Variants in NPFFR2 observed in about 807,000 individuals in gnomAD.
NPFFR2 encodes the protein G-protein coupled receptor 74.
In NPFFR2, 15 loss-of-function variants were observed where a neutral mutation model predicts 13.1. The observed-to-expected ratio is 1.15, with a 90% CI of 0.77 to 1.76. The LOEUF is 1.76. Among genes scored for constraint, NPFFR2 ranks in the 40% most tolerant of loss-of-function variants. NPFFR2 has a pLI of 0.00. For missense variants in NPFFR2, 572 were observed against 503.5 expected (o/e 1.14, Z -1.30); for synonymous variants, 190 against 175.7 (o/e 1.08, Z -0.65).
chr4:72,060,060 A>T (rs1309152270), intron 1 of NPFFR2, among the ~76,000 whole-genome samples: 1 of 152,126 alleles, frequency 6.6e-6, no homozygotes, highest in Non-Finnish European at 1.5e-5. Context: ...TTTATTAAAG[A>T]GATTTTATGT....
intron 1 of NPFFR2, among the ~76,000 whole-genome samples, chr4:72,099,442 G>C (rs1279965871): frequency 6.6e-6 from 1 of 152,096 alleles, no homozygotes; most frequent in Non-Finnish European, 1.5e-5. Context: ...GATTTAATTG[G>C]CTCAGGGTTC....
At chr4:72,137,773 G>C (rs1722462884) in intron 2 of NPFFR2, among the ~76,000 whole-genome samples, 1 of 152,180 alleles carries the variant, frequency 6.6e-6, no homozygotes, top group Non-Finnish European at 1.5e-5. Context: ...TCAAAAGCCT[G>C]TTGTGAGGAT....
chr4:72,076,692 G>C (rs10011136), intron 1 of NPFFR2, among the ~76,000 whole-genome samples: 135,805 of 151,942 alleles, frequency 0.89, 61,727 homozygotes, highest in Non-Finnish European at 0.98. Context: ...GACTGCTAGA[G>C]CAGGAGGCCA....
At chr4:72,070,790 C>A (rs950888452) in intron 1 of NPFFR2, among the ~76,000 whole-genome samples, 3 of 152,010 alleles carry the variant, frequency 2.0e-5, no homozygotes, top group East Asian at 1.9e-4. Context: ...TTGTTTATTG[C>A]AGCATGTAGT....
At chr4:72,086,290 G>A (rs1720768699) in intron 1 of NPFFR2, among the ~76,000 whole-genome samples, 1 of 152,052 alleles carries the variant, frequency 6.6e-6, no homozygotes, top group Non-Finnish European at 1.5e-5. Flanking sequence ...GTGTGGTAAT[G>A]GTTTCAGCTT....
At chr4:72,131,637 C>T (rs1369708405) in intron 2 of NPFFR2, among the ~76,000 whole-genome samples, 3 of 151,838 alleles carry the variant, frequency 2.0e-5, no homozygotes, top group African/African-American at 4.8e-5. Context: ...AACATTATAA[C>T]ATTATATAAC....
chr4:72,052,755 G>A (rs1719626055), intron 1 of NPFFR2, among the ~76,000 whole-genome samples: 2 of 151,950 alleles, frequency 1.3e-5, no homozygotes, highest in Admixed American at 1.3e-4. Context: ...ACCTTTTTAA[G>A]CCTAATAAGA....
chr4:72,068,990 AT>A, intron 1 of NPFFR2: 1 of 1,414,698 alleles, frequency 7.1e-7, no homozygotes, highest in Non-Finnish European at 9.4e-7. Context: ...GAATGTCTTA[AT>A]AAGAGTGAAG....
At chr4:72,076,006 C>CACACACACACACACACACAG (rs746237728) in intron 1 of NPFFR2, among the ~76,000 whole-genome samples, 7 of 122,758 alleles carry the variant, frequency 5.7e-5, no homozygotes, top group African/African-American at 2.7e-4. Flanking sequence ...CACACACACA[C>CACACACACACACACACACAG]AGAGAGAGAG....
chr4:72,070,198 C>T (rs1024178161), intron 1 of NPFFR2, among the ~76,000 whole-genome samples: 8 of 152,148 alleles, frequency 5.3e-5, no homozygotes, highest in African/African-American at 1.9e-4. Context: ...TTGCTATCAG[C>T]AACATAAGTA....
At chr4:72,126,927 G>A (rs1722060776) in intron 1 of NPFFR2, among the ~76,000 whole-genome samples, 1 of 152,128 alleles carries the variant, frequency 6.6e-6, no homozygotes, top group Non-Finnish European at 1.5e-5. Context: ...AAATATTAGT[G>A]TGAATGCATT....
At chr4:72,103,190 C>A (rs115005290) in intron 1 of NPFFR2, among the ~76,000 whole-genome samples, 2,720 of 152,266 alleles carry the variant, frequency 0.018, 88 homozygotes, top group African/African-American at 0.062. Flanking sequence ...GCATCATTTT[C>A]AGAGCCAATT....
intron 1 of NPFFR2, among the ~76,000 whole-genome samples, chr4:72,042,430 A>T (rs1389056763): frequency 6.6e-6 from 1 of 152,224 alleles, no homozygotes; most frequent in East Asian, 1.9e-4. Context: ...ATAGCCAAAA[A>T]TGTGGAAGCA....
Position 72,138,456 on chromosome 4 carries a change from G to A in NPFFR2, c.428+317G>A, listed in dbSNP as rs111954280. 7.4e-3 allele frequency among the ~76,000 whole-genome samples: 1,064 copies of A among 143,324 alleles called. 17 individuals carry two copies. Among genetic ancestry groups the A allele is most frequent in the African/African-American group, 0.027 (1,022 of 38,496 alleles). The allele number at this position is 143,324 out of a possible 152,430, so 94.0% of individuals were successfully genotyped here. ...GCCCCAGTGTGTGATGTTCCCTGCCGTGTGTCCAAGTGTTCTCATTGTTCT... is the reference window on the plus strand; with the variant it reads ...GCCCCAGTGTGTGATGTTCCCTGCCATGTGTCCAAGTGTTCTCATTGTTCT... On this transcript the variant is annotated intron_variant, in intron 3 of 3. Transcript: ENST00000308744.
At chr4:72,110,484 A>C (rs1721534700) in intron 1 of NPFFR2, among the ~76,000 whole-genome samples, 1 of 151,826 alleles carries the variant, frequency 6.6e-6, no homozygotes, top group Admixed American at 6.6e-5. Flanking sequence ...TTAACATCCC[A>C]TTTCTAATTT....
At chr4:72,068,105 T>C (rs1720128187) in intron 1 of NPFFR2, among the ~76,000 whole-genome samples, 1 of 152,220 alleles carries the variant, frequency 6.6e-6, no homozygotes, top group South Asian at 2.1e-4. Context: ...GTATCTGTTA[T>C]AGCAACACCC....
chr4:72,139,375 G>GT (rs1452698497), intron 3 of NPFFR2, among the ~76,000 whole-genome samples: 1 of 152,056 alleles, frequency 6.6e-6, no homozygotes, highest in Non-Finnish European at 1.5e-5. Flanking sequence ...TTTCTTCTAG[G>GT]TTTTTTATGG....
intron 1 of NPFFR2, among the ~76,000 whole-genome samples, chr4:72,127,065 G>C (rs1022427855): frequency 1.3e-5 from 2 of 151,894 alleles, no homozygotes; most frequent in Non-Finnish European, 2.9e-5. Context: ...CACTTTGGGA[G>C]GCTGAGGCAG....
chr4:72,136,626 T>C (rs1320314269), intron 2 of NPFFR2, among the ~76,000 whole-genome samples: 4 of 152,098 alleles, frequency 2.6e-5, no homozygotes, highest in African/African-American at 4.8e-5. Context: ...TTTTCTAACA[T>C]ACTGCCGTAG....
Sources: gnomAD v4.1 joint callset for allele counts (sites outside exome capture counted in the v4.1 genomes callset) on GRCh38, gnomAD v4.1.1 for gene constraint, MANE v1.5 for transcripts, NCBI Gene and HGNC (gene_info 2026-07-23, HGNC 2026-07-21) for gene names.